Variants in KLHL28 observed in about 807,000 individuals in gnomAD.
KLHL28 encodes the protein kelch like family member 28.
In KLHL28, 22 loss-of-function variants were observed where a neutral mutation model predicts 48.3. That is an observed-to-expected ratio of 0.46 (90% CI 0.33 to 0.65). The LOEUF (loss-of-function observed/expected upper bound fraction) is 0.65. Among genes scored for constraint, KLHL28 ranks in the 30% least tolerant of loss-of-function variants. The probability of loss-of-function intolerance (pLI) is 0.03; values close to 1 mark genes in which losing one functional copy is unlikely to be tolerated. For missense variants in KLHL28, 527 were observed against 704.3 expected, an observed-to-expected ratio of 0.75 and a Z score of 2.85; for synonymous variants, 243 against 242.4, an observed-to-expected ratio of 1.00 and a Z score of -0.02.
intron 2 of KLHL28, among the ~76,000 whole-genome samples, chr14:44,942,777 C>A (rs1185903759): frequency 6.6e-6 from 1 of 152,122 alleles, no homozygotes; most frequent in Non-Finnish European, 1.5e-5. Context: ...TCTACAATTC[C>A]TCTTCCCTAA....
chr14:44,942,288 T>C (rs1431876615), intron 2 of KLHL28, among the ~76,000 whole-genome samples: 6 of 152,118 alleles, frequency 3.9e-5, no homozygotes, highest in Non-Finnish European at 8.8e-5. Flanking sequence ...CCAAATCCTG[T>C]CAATTTACTC....
At chr14:44,959,578 T>C (rs186392533) in intron 1 of KLHL28, 13 of 152,248 alleles carry the variant, frequency 8.5e-5, no homozygotes, top group Admixed American at 7.8e-4. Flanking sequence ...TAATGTGTTA[T>C]CTCTGATTCT....
At chr14:44,941,504 T>C (rs935534138) in intron 2 of KLHL28, among the ~76,000 whole-genome samples, 2 of 151,770 alleles carry the variant, frequency 1.3e-5, no homozygotes, top group Admixed American at 1.3e-4. Flanking sequence ...GGTGCAAGCC[T>C]GTAATCCCAG....
chr14:44,940,687 G>A (rs942201858), intron 2 of KLHL28, among the ~76,000 whole-genome samples: 1 of 152,118 alleles, frequency 6.6e-6, no homozygotes, highest in Admixed American at 6.6e-5. Flanking sequence ...CAATTGTCTT[G>A]AGGCATAAAG....
At chr14:44,937,188 C>G (rs1398506240) in intron 2 of KLHL28, among the ~76,000 whole-genome samples, 1 of 151,138 alleles carries the variant, frequency 6.6e-6, no homozygotes, top group Non-Finnish European at 1.5e-5. Flanking sequence ...CTCTGTCGCC[C>G]AGGCTGGAGT....
chr14:44,933,299 T>C (rs555725259), intron 3 of KLHL28, among the ~76,000 whole-genome samples: 5 of 150,602 alleles, frequency 3.3e-5, no homozygotes, highest in African/African-American at 1.2e-4. Context: ...TACAATCTTT[T>C]CTTTTCTTTC....
At chr14:44,947,957 T>C (rs1357247186) in intron 1 of KLHL28, among the ~76,000 whole-genome samples, 1 of 152,128 alleles carries the variant, frequency 6.6e-6, no homozygotes, top group Non-Finnish European at 1.5e-5. Context: ...CAGAACATAA[T>C]ATATACTAGT....
intron 1 of KLHL28, among the ~76,000 whole-genome samples, chr14:44,957,248 G>C (rs981388842): frequency 2.6e-5 from 4 of 152,152 alleles, no homozygotes; most frequent in African/African-American, 9.7e-5. Flanking sequence ...ATGCGTGATA[G>C]GTAAATAGAT....
At chr14:44,938,538 ATTTTTGTAT>A (rs1251220962) in intron 2 of KLHL28, among the ~76,000 whole-genome samples, 1 of 151,938 alleles carries the variant, frequency 6.6e-6, no homozygotes, top group Admixed American at 6.6e-5. Flanking sequence ...CGCCCAGCTA[ATTTTTGTAT>A]TTTTAGTAGA....
At position 44,945,459 on chromosome 14, in the gene KLHL28, G is replaced by C. The variant is rs150379775; in HGVS notation, c.470C>G (p.Thr157Ser). ...TTCAAAATTCTGGCATATGTATTTAGTGGCTGCCAAATAAAGGTCACGGCA... is the reference window on the plus strand; with the variant it reads ...TTCAAAATTCTGGCATATGTATTTACTGGCTGCCAAATAAAGGTCACGGCA... ...YGCRDLYLAA[T>S]KYICQNFEAV... The change falls in exon 2 of 5, where the codon ACT (threonine) becomes AGT (serine). Residue 157 changes from threonine to serine, a missense_variant. Coordinates refer to ENST00000396128, the MANE Select transcript of KLHL28 (RefSeq NM_017658.5). 170 of 1,614,170 alleles carry C rather than the reference G, an allele frequency of 1.1e-4. No homozygotes were observed. The highest frequency in any genetic ancestry group is 4.9e-4 in the Middle Eastern group (3 of 6,062).
chr14:44,946,447 T>A (rs776761323), intron 1 of KLHL28, among the ~76,000 whole-genome samples: 1 of 152,028 alleles, frequency 6.6e-6, no homozygotes, highest in Non-Finnish European at 1.5e-5. Flanking sequence ...TTAATGAAGG[T>A]ACTATTACCA....
rs766258131 is a variant in KLHL28 at position 44,945,919 on chromosome 14, T to C, written c.10A>G (p.Thr4Ala). The change falls in exon 2 of 5, where the codon ACA (threonine) becomes GCA (alanine). Residue 4 changes from threonine to alanine, a missense_variant. By Grantham distance (58) the Thr-to-Ala change is moderately conservative. Coordinates refer to ENST00000396128, the MANE Select transcript of KLHL28 (RefSeq NM_017658.5). Reference sequence around the variant, plus strand: ...TTAGCAAGCATGTAGGTCGGGGATGTGTGGTCCATCTACAGAAAAATAAAA... The same window carrying C: ...TTAGCAAGCATGTAGGTCGGGGATGCGTGGTCCATCTACAGAAAAATAAAA... MDH[T>A]SPTYMLANLT... is the part of the protein sequence containing the mutation. 80 of 1,611,160 alleles carry C rather than the reference T, an allele frequency of 5.0e-5. No homozygotes were observed. In the East Asian group the frequency reaches 1.5e-3, roughly 30 times the overall value.
rs1318260426 is a variant in KLHL28 at position 44,926,704 on chromosome 14, C to T, written c.*2324G>A. ...TGTATTTTTAGTAGAGACGGGGTTTCACCATGTTGGCCAGGCTGGTCTCGA... is the reference window on the plus strand; with the variant it reads ...TGTATTTTTAGTAGAGACGGGGTTTTACCATGTTGGCCAGGCTGGTCTCGA... On this transcript the variant is annotated 3_prime_UTR_variant, in exon 5 of 5. Coordinates refer to ENST00000396128, the MANE Select transcript of KLHL28 (RefSeq NM_017658.5). 6.6e-6 allele frequency: 1 copy of T among 152,084 alleles called. No individual in the cohort carries two copies. Among genetic ancestry groups the T allele is most frequent in the African/African-American group, 2.4e-5 (1 of 41,394 alleles). The allele number at this position is 152,084 out of a possible 1,614,324, so 9.4% of individuals were successfully genotyped here.
chr14:44,929,115 C>T lies in KLHL28; in HGVS notation c.1629G>A (p.Val543=), dbSNP rs932440475. 1.6e-5 allele frequency: 26 copies of T among 1,613,732 alleles called. No individual in the cohort carries two copies. The highest frequency in any genetic ancestry group is 2.2e-5 in the Non-Finnish European group (26 of 1,179,876). ...GHSGSSYLNT[V]QKYDPISDTW... ...TATCTGAGATAGGATCATATTTCTGCACTGTATTCAGATAGGAAGACCCTG... is the reference window on the plus strand; with the variant it reads ...TATCTGAGATAGGATCATATTTCTGTACTGTATTCAGATAGGAAGACCCTG... The change falls in exon 5 of 5, where the codon GTG becomes GTA. Residue 543 remains valine (V), a synonymous_variant. Coordinates refer to ENST00000396128, the MANE Select transcript of KLHL28 (RefSeq NM_017658.5).
chr14:44,958,729 C>T (rs545454614), intron 1 of KLHL28, among the ~76,000 whole-genome samples: 1 of 151,452 alleles, frequency 6.6e-6, no homozygotes, highest in Non-Finnish European at 1.5e-5. Context: ...TTATGACAGG[C>T]GTCTAAGTTA....
intron 1 of KLHL28, among the ~76,000 whole-genome samples, chr14:44,956,085 C>G (rs1228856102): frequency 6.6e-6 from 1 of 152,114 alleles, no homozygotes; most frequent in Non-Finnish European, 1.5e-5. Flanking sequence ...TATGCCTTTC[C>G]TACACTAACT....
chr14:44,953,838 A>G (rs1255029762), intron 1 of KLHL28: 1 of 152,242 alleles, frequency 6.6e-6, no homozygotes, highest in Non-Finnish European at 1.5e-5. Context: ...AAAATCCAGA[A>G]GACATCAGTG....
intron 4 of KLHL28, among the ~76,000 whole-genome samples, chr14:44,930,110 G>T (rs1883518061): frequency 6.6e-6 from 1 of 151,992 alleles, no homozygotes; most frequent in African/African-American, 2.4e-5. Flanking sequence ...AGTTCTCATT[G>T]TTTCTGTGGC....
At chr14:44,934,630 T>C (rs983805086) in intron 2 of KLHL28, 72 bp from the exon 3 acceptor site, 3 of 1,158,064 alleles carry the variant, frequency 2.6e-6, no homozygotes, top group African/African-American at 3.1e-5. Context: ...TGTTTAATCT[T>C]ATTAGTAATC....
Sources: allele counts gnomAD v4.1 joint callset (sites outside exome capture counted in the v4.1 genomes callset), GRCh38; gene constraint gnomAD v4.1.1; transcripts MANE v1.5; gene names NCBI Gene and HGNC (gene_info 2026-07-23, HGNC 2026-07-21).